Variants in PPFIA2 observed in about 807,000 individuals in gnomAD.
The protein encoded by PPFIA2 is liprin-alpha-2.
PPFIA2 carries 46 observed loss-of-function variants against 175.5 expected under a neutral mutation model. The observed-to-expected ratio is 0.26, with a 90% CI of 0.21 to 0.34. The LOEUF is 0.34. Among genes scored for constraint, PPFIA2 ranks in the 10% least tolerant of loss-of-function variants. The pLI, the probability that PPFIA2 is intolerant of heterozygous loss-of-function variation, is 1.00. For missense variants in PPFIA2, 1,179 were observed against 1,506.1 expected (o/e 0.78, Z 3.60); for synonymous variants, 568 against 511.4 (o/e 1.11, Z -1.49).
intron 4 of PPFIA2, among the ~76,000 whole-genome samples, chr12:81,543,450 A>AG (rs1381012250): frequency 1.3e-5 from 2 of 152,152 alleles, no homozygotes; most frequent in African/African-American, 4.8e-5. Context: ...TACAACTTAA[A>AG]GGATAAAACA....
At chr12:81,374,816 T>G in intron 10 of PPFIA2, 48 bp from the exon 11 acceptor site, 1 of 1,553,924 alleles carries the variant, frequency 6.4e-7, no homozygotes, top group Non-Finnish European at 8.8e-7. Flanking sequence ...AGAGTTTGGA[T>G]AGCAAACACC....
At chr12:81,315,339 T>C (rs777630753) in intron 22 of PPFIA2, among the ~76,000 whole-genome samples, 6 of 151,760 alleles carry the variant, frequency 4.0e-5, no homozygotes, top group Non-Finnish European at 8.9e-5. Flanking sequence ...AAATTCATCA[T>C]TGGGTGTGGT....
In PPFIA2 at chr12:81,284,246, T is replaced by C. The variant is rs771931859; in HGVS notation, c.2983A>G (p.Lys995Glu). Reference sequence around the variant, plus strand: ...ACAAAGCCATTAAGACTAACCGTTTTTGCTGGAGCTGCAAGATTTTCCATT... The same window carrying C: ...ACAAAGCCATTAAGACTAACCGTTTCTGCTGGAGCTGCAAGATTTTCCATT... ...EEMENLAAPA[K>E]TKESEEGSWA... The change falls in exon 25 of 33, where the codon AAA becomes GAA. Residue 995 changes from lysine to glutamate, a missense_variant. By Grantham distance (56) the Lys-to-Glu change is moderately conservative. Around this residue, in one of 10 missense-constraint regions of PPFIA2, gnomAD observed 245 missense variants for 375.1 expected, o/e 0.65. Transcript: ENST00000549396. The C allele has an allele frequency of 6.3e-7, 1 of 1,587,184 alleles. No homozygotes were observed. Among genetic ancestry groups the C allele is most frequent in the South Asian group, 1.1e-5 (1 of 88,688 alleles).
At chr12:81,635,078 C>T (rs1463586211) in intron 4 of PPFIA2, among the ~76,000 whole-genome samples, 4 of 152,124 alleles carry the variant, frequency 2.6e-5, no homozygotes, top group Non-Finnish European at 5.9e-5. Flanking sequence ...ATGGGAGCAA[C>T]GATGAAAGTG....
intron 4 of PPFIA2, among the ~76,000 whole-genome samples, chr12:81,645,688 G>C (rs2065962431): frequency 6.6e-6 from 1 of 152,226 alleles, no homozygotes; most frequent in Admixed American, 6.5e-5. Context: ...CACACAAACT[G>C]TTTAATTATC....
chr12:81,603,455 T>C lies in PPFIA2; in HGVS notation c.303+73336A>G, dbSNP rs76982483. On this transcript the variant is annotated intron_variant, in intron 4 of 32. Transcript: ENST00000549396. ...GTGTTTACCATGGCCTTTGTACTCA[T>C]GGTAAACACAAAAGTATGTTTACAT... is the stretch of plus-strand genomic sequence containing the variant. Among the ~76,000 whole-genome samples, 969 of 151,680 alleles carry C rather than the reference T, an allele frequency of 6.4e-3. 36 individuals carry two copies. The East Asian group carries it at 0.095, about 15-fold the overall frequency.
chr12:81,384,946 G>A (rs2038600254), intron 8 of PPFIA2, among the ~76,000 whole-genome samples: 1 of 152,054 alleles, frequency 6.6e-6, no homozygotes, highest in Admixed American at 6.6e-5. Flanking sequence ...CTAAAAATAT[G>A]TCTTCAGAAG....
chr12:81,287,829 G>A (rs1446388156), intron 24 of PPFIA2, among the ~76,000 whole-genome samples: 3 of 151,738 alleles, frequency 2.0e-5, no homozygotes, highest in Admixed American at 6.6e-5. Flanking sequence ...ATAAAGATAT[G>A]AGTACCTTGG....
intron 23 of PPFIA2, chr12:81,298,000 T>A (rs2046908835): frequency 6.6e-6 from 1 of 152,236 alleles, no homozygotes; most frequent in Non-Finnish European, 1.5e-5. Context: ...CAAACTTCAC[T>A]GTCTGTCATC....
At chr12:81,686,600 T>C (rs1481108148) in intron 3 of PPFIA2, among the ~76,000 whole-genome samples, 8 of 152,112 alleles carry the variant, frequency 5.3e-5, no homozygotes, top group African/African-American at 1.9e-4. Flanking sequence ...GCATCCTTGC[T>C]ATCTCAAACT....
At chr12:81,744,956 A>G (rs763745869) in intron 3 of PPFIA2, among the ~76,000 whole-genome samples, 2 of 152,160 alleles carry the variant, frequency 1.3e-5, no homozygotes, top group Non-Finnish European at 2.9e-5. Flanking sequence ...GGGAATAGTA[A>G]TAACAACAGC....
chr12:81,264,428 G>A (rs1214204044), intron 30 of PPFIA2, among the ~76,000 whole-genome samples: 1 of 152,032 alleles, frequency 6.6e-6, no homozygotes, highest in African/African-American at 2.4e-5. Flanking sequence ...ATTCCACATA[G>A]GTCTTGTCTT....
At chr12:81,527,669 G>A (rs2063892485) in intron 4 of PPFIA2, among the ~76,000 whole-genome samples, 1 of 151,906 alleles carries the variant, frequency 6.6e-6, no homozygotes, top group African/African-American at 2.4e-5. Context: ...ATATATTTCT[G>A]ATGGACTGAA....
chr12:81,381,331 T>G (rs570038147), intron 9 of PPFIA2, among the ~76,000 whole-genome samples: 1 of 152,124 alleles, frequency 6.6e-6, no homozygotes, highest in Non-Finnish European at 1.5e-5. Context: ...CCTGGCATCA[T>G]AGGAGTGACA....
chr12:81,259,967 T>C (rs1034325789), intron 32 of PPFIA2: 158 of 244,052 alleles, frequency 6.5e-4, no homozygotes, highest in African/African-American at 2.4e-3. Context: ...AACTTGCTAA[T>C]TAATAAATTG....
chr12:81,646,026 A>T (rs2066012068), intron 4 of PPFIA2, among the ~76,000 whole-genome samples: 1 of 152,106 alleles, frequency 6.6e-6, no homozygotes, highest in Non-Finnish European at 1.5e-5. Context: ...CTTCCATAAG[A>T]CGCAGGCAAA....
intron 3 of PPFIA2, among the ~76,000 whole-genome samples, chr12:81,719,250 T>C (rs1291097181): frequency 4.0e-5 from 6 of 151,592 alleles, no homozygotes; most frequent in Admixed American, 3.3e-4. Flanking sequence ...GTTCAATGTA[T>C]AGTAACTATA....
At chr12:81,295,824 T>C (rs1049521072) in intron 23 of PPFIA2, among the ~76,000 whole-genome samples, 2 of 148,924 alleles carry the variant, frequency 1.3e-5, no homozygotes, top group African/African-American at 5.0e-5. Flanking sequence ...AACATCATAA[T>C]ACTAAAAATA....
At chr12:81,494,690 A>T (rs1324633486) in intron 4 of PPFIA2, among the ~76,000 whole-genome samples, 1 of 152,058 alleles carries the variant, frequency 6.6e-6, no homozygotes, top group African/African-American at 2.4e-5. Context: ...ACTTGGAACC[A>T]ACCCAAATGT....
Sources: gnomAD v4.1 joint callset for allele counts (sites outside exome capture counted in the v4.1 genomes callset) on GRCh38, gnomAD v4.1.1 for gene constraint, gnomAD v4.1.1 regional missense constraint, MANE v1.5 for transcripts, NCBI Gene and HGNC (gene_info 2026-07-23, HGNC 2026-07-21) for gene names.